Variants in ARHGAP15 observed in about 807,000 individuals in gnomAD.
ARHGAP15 encodes Rho GTPase activating protein 15.
A neutral mutation model predicts 63.7 loss-of-function variants in ARHGAP15; 51 were observed. The observed-to-expected ratio is 0.80, with a 90% CI of 0.64 to 1.01. The LOEUF (loss-of-function observed/expected upper bound fraction) is 1.01. Among genes scored for constraint, ARHGAP15 ranks in the 50% least tolerant of loss-of-function variants. The pLI is 0.00. For synonymous variants in ARHGAP15, 191 were observed against 193.8 expected (o/e 0.99, Z 0.12); for missense variants, 560 against 564.6 (o/e 0.99, Z 0.08).
chr2:143,140,759 A>G (rs1219396166), intron 1 of ARHGAP15, among the ~76,000 whole-genome samples: 5 of 152,094 alleles, frequency 3.3e-5, no homozygotes, highest in Non-Finnish European at 5.9e-5. Context: ...TGAATATCCC[A>G]ACTCAGTCCT....
chr2:143,259,983 G>T (rs1255571052), intron 6 of ARHGAP15, among the ~76,000 whole-genome samples: 1 of 151,998 alleles, frequency 6.6e-6, no homozygotes, highest in Non-Finnish European at 1.5e-5. Context: ...CCCTCATTTG[G>T]ATCTAAGCAT....
intron 6 of ARHGAP15, among the ~76,000 whole-genome samples, chr2:143,259,912 T>C (rs1680632005): frequency 6.6e-6 from 1 of 152,180 alleles, no homozygotes; most frequent in South Asian, 2.1e-4. Context: ...ATTAAGAAGG[T>C]TTATTGAATC....
At chr2:143,598,393 T>C (rs1697611578) in intron 11 of ARHGAP15, among the ~76,000 whole-genome samples, 1 of 152,180 alleles carries the variant, frequency 6.6e-6, no homozygotes, top group South Asian at 2.1e-4. Context: ...AAGTAAAGAC[T>C]TCAGTTGTAT....
intron 6 of ARHGAP15, among the ~76,000 whole-genome samples, chr2:143,350,135 C>T (rs1308550529): frequency 3.3e-5 from 5 of 152,054 alleles, no homozygotes; most frequent in Admixed American, 3.3e-4. Context: ...CATCACAAAA[C>T]AGATTTTTGG....
chr2:143,365,101 A>T (rs1279983702), intron 6 of ARHGAP15, among the ~76,000 whole-genome samples: 2 of 152,236 alleles, frequency 1.3e-5, no homozygotes, highest in African/African-American at 4.8e-5. Context: ...TATAATATAG[A>T]GGATGTAGTA....
At chr2:143,537,333 G>A (rs1294787501) in intron 10 of ARHGAP15, among the ~76,000 whole-genome samples, 3 of 152,068 alleles carry the variant, frequency 2.0e-5, no homozygotes, top group African/African-American at 7.2e-5. Context: ...TAGGTTGCCT[G>A]TTCACTCTGA....
At chr2:143,282,657 A>G (rs928858962) in intron 6 of ARHGAP15, among the ~76,000 whole-genome samples, 2 of 152,142 alleles carry the variant, frequency 1.3e-5, no homozygotes, top group African/African-American at 4.8e-5. Context: ...CAGCCAAACC[A>G]TATCAGGTAA....
chr2:143,219,667 A>G (rs1692907761), intron 4 of ARHGAP15, among the ~76,000 whole-genome samples: 1 of 152,208 alleles, frequency 6.6e-6, no homozygotes, highest in Non-Finnish European at 1.5e-5. Flanking sequence ...GAGTGCACCA[A>G]TTCACACCAG....
At chr2:143,672,010 A>G (rs1057410303) in intron 12 of ARHGAP15, among the ~76,000 whole-genome samples, 1 of 152,204 alleles carries the variant, frequency 6.6e-6, no homozygotes, top group Non-Finnish European at 1.5e-5. Context: ...AAAACAGACA[A>G]ATAGTGTGTA....
intron 11 of ARHGAP15, among the ~76,000 whole-genome samples, chr2:143,619,628 G>T (rs543921371): frequency 6.6e-6 from 1 of 152,296 alleles, no homozygotes; most frequent in South Asian, 2.1e-4. Flanking sequence ...ATGTCATGTT[G>T]AATTGTGTTG....
chr2:143,735,038 C>T (rs560815437), intron 13 of ARHGAP15, among the ~76,000 whole-genome samples: 1 of 152,308 alleles, frequency 6.6e-6, no homozygotes, highest in East Asian at 1.9e-4. Context: ...AATAGTAGTA[C>T]TAAGCACCAA....
In ARHGAP15 at chr2:143,333,921, G is replaced by T. The variant is rs563718447; in HGVS notation, c.474+83321G>T. Among the ~76,000 whole-genome samples, 5 of 152,248 alleles carry T rather than the reference G, an allele frequency of 3.3e-5. No individual in the cohort carries two copies. In the East Asian group the frequency reaches 9.6e-4, roughly 29 times the overall value. On this transcript the variant is annotated intron_variant, in intron 6 of 13. Transcript: ENST00000295095. ...TTCTTGTCTTAATAAAATCCTAAAA[G>T]TGTAATTTACTTGCAAGAGGGAAAG...
intron 13 of ARHGAP15, among the ~76,000 whole-genome samples, chr2:143,721,739 T>C (rs1574890070): frequency 6.6e-6 from 1 of 151,966 alleles, no homozygotes; most frequent in Non-Finnish European, 1.5e-5. Context: ...TAGGCTGGAG[T>C]GCAGTGGCGG....
chr2:143,403,515 T>C lies in ARHGAP15; in HGVS notation c.475-32086T>C, dbSNP rs1024285783. On this transcript the variant is annotated intron_variant, in intron 6 of 13. Coordinates refer to ENST00000295095, the MANE Select transcript of ARHGAP15 (RefSeq NM_018460.4). ...AATAGTTACTATTTTCAAAAATACA[T>C]ATGTATTACTAGGGATCAAATTAGA... is the stretch of plus-strand genomic sequence containing the variant. 5.0e-4 allele frequency among the ~76,000 whole-genome samples: 76 copies of C among 151,926 alleles called. 1 individual carries two copies. The highest frequency in any genetic ancestry group is 2.6e-4 in the Admixed American group (4 of 15,192).
At chr2:143,315,278 C>T (rs76209818) in intron 6 of ARHGAP15, among the ~76,000 whole-genome samples, 2,677 of 152,064 alleles carry the variant, frequency 0.018, 38 homozygotes, top group South Asian at 0.096. Flanking sequence ...TATAACATTA[C>T]GGTACTATAT....
At chr2:143,653,865 CTGTGTTAT>C (rs1000651200) in intron 12 of ARHGAP15, among the ~76,000 whole-genome samples, 6 of 152,128 alleles carry the variant, frequency 3.9e-5, no homozygotes, top group African/African-American at 1.4e-4. Flanking sequence ...TACTGTGTTA[CTGTGTTAT>C]GAATGAATTA....
At chr2:143,282,942 C>T (rs1681922604) in intron 6 of ARHGAP15, among the ~76,000 whole-genome samples, 1 of 152,130 alleles carries the variant, frequency 6.6e-6, no homozygotes, top group Non-Finnish European at 1.5e-5. Context: ...TCAGTGAAAA[C>T]AATCCTTGTT....
intron 2 of ARHGAP15, among the ~76,000 whole-genome samples, chr2:143,176,233 G>A (rs937518513): frequency 2.6e-5 from 4 of 152,070 alleles, no homozygotes; most frequent in Non-Finnish European, 4.4e-5. Flanking sequence ...AATATTAAAT[G>A]AGCAATTATA....
chr2:143,196,416 A>C (rs930858412), intron 2 of ARHGAP15, among the ~76,000 whole-genome samples: 6 of 152,034 alleles, frequency 3.9e-5, no homozygotes, highest in African/African-American at 1.4e-4. Context: ...TAAAAAGATA[A>C]GGTTGGACTC....
Sources: gnomAD v4.1 joint callset for allele counts (sites outside exome capture counted in the v4.1 genomes callset) on GRCh38, gnomAD v4.1.1 for gene constraint, MANE v1.5 for transcripts, NCBI Gene and HGNC (gene_info 2026-07-23, HGNC 2026-07-21) for gene names.